POF1B: variants seen among roughly 807,000 people sequenced by gnomAD.
The protein encoded by POF1B is protein POF1B.
A neutral mutation model predicts 55.3 loss-of-function variants in POF1B; 53 were observed. That is an observed-to-expected ratio of 0.96 (90% CI 0.77 to 1.20). The LOEUF (loss-of-function observed/expected upper bound fraction) is 1.20. Ranked by LOEUF, POF1B falls within the 50% of genes most tolerant of loss-of-function variation. POF1B has a pLI of 0.00. For missense variants in POF1B, 478 were observed against 420.5 expected, an observed-to-expected ratio of 1.14 and a Z score of -1.20; for synonymous variants, 188 against 148.3, an observed-to-expected ratio of 1.27 and a Z score of -1.95.
At chrX:85,371,489 G>A (rs138509494) in intron 2 of POF1B, among the ~76,000 whole-genome samples, 1 of 111,223 alleles carries the variant, frequency 9.0e-6, no homozygotes, top group African/African-American at 3.3e-5. Flanking sequence ...GACAGAGGTA[G>A]GATAGGTAAC....
At chrX:85,375,517 A>G (rs1041006972) in intron 2 of POF1B, among the ~76,000 whole-genome samples, 1 of 112,033 alleles carries the variant, frequency 8.9e-6, no homozygotes, top group Non-Finnish European at 1.9e-5. Context: ...AGCTTCATTT[A>G]ATTGTAAGCA....
intron 8 of POF1B, 98 bp downstream of exon 8, chrX:85,315,609 C>T (rs1932780434): frequency 1.4e-6 from 1 of 737,743 alleles, no homozygotes; most frequent in Non-Finnish European, 1.8e-6. Context: ...CATTTTCAGT[C>T]TAGTAAGGTA....
At chrX:85,286,794 A>G (rs1301185056) in intron 15 of POF1B, among the ~76,000 whole-genome samples, 2 of 111,426 alleles carry the variant, frequency 1.8e-5, no homozygotes, top group Non-Finnish European at 3.8e-5. Context: ...ACAATCCTAA[A>G]TGTTTATGTA....
intron 7 of POF1B, among the ~76,000 whole-genome samples, chrX:85,324,423 G>A (rs1015906242): frequency 9.0e-6 from 1 of 110,716 alleles, no homozygotes; most frequent in Non-Finnish European, 1.9e-5. Flanking sequence ...TATGTATGTA[G>A]GATTGTTAGG....
At chrX:85,337,526 C>T (rs925169370) in intron 6 of POF1B, among the ~76,000 whole-genome samples, 2 of 111,098 alleles carry the variant, frequency 1.8e-5, no homozygotes, top group African/African-American at 3.3e-5. Context: ...GGAGGACAAT[C>T]GGTGGAAGCT....
chrX:85,379,168 T>C lies in POF1B; in HGVS notation c.282+5A>G. 1.7e-6 allele frequency: 2 copies of C among 1,208,503 alleles called. No individual in the cohort carries two copies. The highest frequency in any genetic ancestry group is 1.8e-5 in the South Asian group (1 of 56,835). On this transcript the variant is annotated splice_donor_5th_base_variant and intron_variant, in intron 2 of 16. Transcript: ENST00000262753. ...ACTAGTCTGGCATAGCTTTCTTTGT[T>C]GTACCTGAGAATGGTCGCTCCAAAC...
At chrX:85,284,591 C>G (rs1429630738) in intron 15 of POF1B, among the ~76,000 whole-genome samples, 4 of 111,684 alleles carry the variant, frequency 3.6e-5, no homozygotes, top group African/African-American at 1.3e-4. Context: ...GCTGGGAAAA[C>G]TGGCTAGCCA....
rs183294881 is a variant in POF1B, at chrX:85,327,537, C to T, written c.854+3412G>A. ...GGCATGAGTACATACGTGCAATTGTCTGCATGTATCTATGTGGTATTTCCT... is the reference window on the plus strand; with the variant it reads ...GGCATGAGTACATACGTGCAATTGTTTGCATGTATCTATGTGGTATTTCCT... On this transcript the variant is annotated intron_variant, in intron 7 of 16. Coordinates refer to ENST00000262753, the MANE Select transcript of POF1B (RefSeq NM_024921.4). 8.1e-5 allele frequency among the ~76,000 whole-genome samples: 9 copies of T among 111,751 alleles called. No individual in the cohort carries two copies. In the East Asian group the frequency reaches 1.4e-3, roughly 18 times the overall value.
chrX:85,311,939 A>AT (rs1291785143), intron 9 of POF1B, among the ~76,000 whole-genome samples: 16 of 111,892 alleles, frequency 1.4e-4, no homozygotes, highest in African/African-American at 4.9e-4. Context: ...GATGATGAGC[A>AT]TTTTTTCATG....
At chrX:85,350,591 C>T (rs1933362271) in intron 5 of POF1B, among the ~76,000 whole-genome samples, 1 of 111,070 alleles carries the variant, frequency 9.0e-6, no homozygotes, top group Non-Finnish European at 1.9e-5. Flanking sequence ...AGTTCTAGAT[C>T]CCTGAGGAAT....
chrX:85,367,116 T>C (rs1195752764), intron 3 of POF1B, among the ~76,000 whole-genome samples: 1 of 111,405 alleles, frequency 9.0e-6, no homozygotes, highest in Non-Finnish European at 1.9e-5. Flanking sequence ...TTTATGTTTT[T>C]CTTTCTTCGA....
intron 6 of POF1B, among the ~76,000 whole-genome samples, chrX:85,345,362 A>G (rs1007208082): frequency 1.6e-4 from 18 of 111,640 alleles, no homozygotes; most frequent in African/African-American, 5.5e-4. Context: ...TGTGATACAT[A>G]ATAAAATCTA....
At chrX:85,322,033 G>C (rs1340659366) in intron 7 of POF1B, among the ~76,000 whole-genome samples, 1 of 110,685 alleles carries the variant, frequency 9.0e-6, no homozygotes, top group Non-Finnish European at 1.9e-5. Flanking sequence ...GTAATTTATA[G>C]ATTCAATGCC....
chrX:85,281,249 A>T (rs777852853), intron 16 of POF1B, among the ~76,000 whole-genome samples: 1 of 109,229 alleles, frequency 9.2e-6, no homozygotes, highest in Non-Finnish European at 1.9e-5. Flanking sequence ...TTTACATTGA[A>T]TTAGTTATTG....
At chrX:85,282,719 T>C (rs1300611509) in intron 15 of POF1B, among the ~76,000 whole-genome samples, 1 of 110,251 alleles carries the variant, frequency 9.1e-6, no homozygotes, top group Non-Finnish European at 1.9e-5. Context: ...TTAGAGTAAA[T>C]ATAGGCAAAG....
At chrX:85,281,292 A>T (rs1931891642) in intron 16 of POF1B, among the ~76,000 whole-genome samples, 1 of 110,310 alleles carries the variant, frequency 9.1e-6, no homozygotes. Context: ...ATACAGTAAG[A>T]TGTGCATAGG....
chrX:85,339,261 TACTC>T (rs1454254532), intron 6 of POF1B, among the ~76,000 whole-genome samples: 1 of 110,197 alleles, frequency 9.1e-6, no homozygotes, highest in Non-Finnish European at 1.9e-5. Context: ...TCATGAGACT[TACTC>T]ACTATCACAA....
At chrX:85,288,329 A>G (rs912267861) in intron 15 of POF1B, among the ~76,000 whole-genome samples, 2 of 110,866 alleles carry the variant, frequency 1.8e-5, no homozygotes, top group Admixed American at 1.9e-4. Context: ...TGGAAACTCT[A>G]TACCAGACAT....
At chrX:85,376,570 A>G (rs941205912) in intron 2 of POF1B, among the ~76,000 whole-genome samples, 3 of 111,315 alleles carry the variant, frequency 2.7e-5, no homozygotes, top group African/African-American at 9.8e-5. Context: ...TCTGAGAAAC[A>G]CTCTATCAAT....
Sources: allele counts gnomAD v4.1 joint callset (sites outside exome capture counted in the v4.1 genomes callset), GRCh38; gene constraint gnomAD v4.1.1; transcripts MANE v1.5; gene names NCBI Gene and HGNC (gene_info 2026-07-23, HGNC 2026-07-21).